PFKFB3: variants seen among roughly 807,000 people sequenced by gnomAD.
PFKFB3 encodes the protein 6-phosphofructo-2-kinase/fructose-2,6-bisphosphatase 3.
A neutral mutation model predicts 68.0 loss-of-function variants in PFKFB3; 33 were observed. The observed-to-expected ratio is 0.49, with a 90% CI of 0.37 to 0.65. The LOEUF (loss-of-function observed/expected upper bound fraction) is 0.65. PFKFB3 is among the 30% of genes least tolerant of loss of function. The pLI is 0.00. For synonymous variants in PFKFB3, 315 were observed against 288.2 expected, an observed-to-expected ratio of 1.09 and a Z score of -0.94; for missense variants, 586 against 712.2, an observed-to-expected ratio of 0.82 and a Z score of 2.02.
intron 1 of PFKFB3, among the ~76,000 whole-genome samples, chr10:6,173,673 G>A (rs1340204298): frequency 1.3e-5 from 2 of 152,004 alleles, no homozygotes; most frequent in Non-Finnish European, 2.9e-5. Flanking sequence ...AGAGATCTGG[G>A]GGGCTAGGTG....
the PFKFB3 span, among the ~76,000 whole-genome samples, chr10:6,299,827 T>G: frequency 6.6e-6 from 1 of 152,158 alleles, no homozygotes; most frequent in East Asian, 1.9e-4. Context: ...AGTGAAGGCC[T>G]GAAGCTGTGT....
the PFKFB3 span, chr10:6,294,063 G>A: frequency 5.9e-6 from 3 of 507,086 alleles, no homozygotes; most frequent in South Asian, 4.4e-5. Context: ...GTTCGTACTG[G>A]AAGGTCTTGC....
At position 6,215,087 on chromosome 10, in the gene PFKFB3, T is replaced by G. The variant is rs527367509; in HGVS notation, c.203-134T>G. 1.4e-6 allele frequency: 1 copy of G among 705,574 alleles called. No individual in the cohort carries two copies. Among genetic ancestry groups the G allele is most frequent in the African/African-American group, 1.8e-5 (1 of 56,736 alleles). 43.7% of individuals were successfully genotyped at this position (705,574 alleles called of 1,614,324 possible). The stretch of plus-strand genomic sequence containing the variant: ...GTAGCGTAGGACTGGGCGCCGGCAT[T>G]GCTTCCACACCATCTCATTCAAGTC... On this transcript the variant is annotated intron_variant, in intron 2 of 14. Transcript: ENST00000379775. The surrounding 1 kb of genome is among the most constrained non-coding windows in gnomAD (Gnocchi z 4.3).
rs146754515 is a variant in PFKFB3 at position 6,215,332 on chromosome 10, C to A, written c.299+15C>A. 5 of 1,599,502 alleles carry A rather than the reference C, an allele frequency of 3.1e-6. No individual in the cohort carries two copies. The highest frequency in any genetic ancestry group is 1.1e-5 in the South Asian group (1 of 90,662). On this transcript the variant is annotated intron_variant, in intron 3 of 14. Coordinates refer to ENST00000379775, the MANE Select transcript of PFKFB3 (RefSeq NM_004566.4). The surrounding 1 kb of genome is among the most constrained non-coding windows in gnomAD (Gnocchi z 4.3). Reference sequence around the variant, plus strand: ...AAAGTCCGGAAGTAAGGCTGGGCCGCGGGCGTAGGGCTGGGCTGTGGGAAT... The same window carrying A: ...AAAGTCCGGAAGTAAGGCTGGGCCGAGGGCGTAGGGCTGGGCTGTGGGAAT...
At chr10:6,276,926 A>G in the PFKFB3 span, among the ~76,000 whole-genome samples, 1 of 151,986 alleles carries the variant, frequency 6.6e-6, no homozygotes, top group Non-Finnish European at 1.5e-5. Context: ...AAATCAAGAT[A>G]TATCTTGATT....
intron 9 of PFKFB3, 54 bp from the exon 10 acceptor site, chr10:6,221,587 G>A: frequency 6.2e-7 from 1 of 1,610,872 alleles, no homozygotes; most frequent in Non-Finnish European, 8.5e-7. Context: ...CTTCCCAAGA[G>A]GCCCTAGACA....
intron 1 of PFKFB3, among the ~76,000 whole-genome samples, chr10:6,150,976 G>A (rs1191849979): frequency 6.6e-6 from 1 of 152,200 alleles, no homozygotes; most frequent in African/African-American, 2.4e-5. Flanking sequence ...CCCTGGCCTG[G>A]GCGACAGAGC....
chr10:6,288,188 T>G, the PFKFB3 span, among the ~76,000 whole-genome samples: 1 of 150,508 alleles, frequency 6.6e-6, no homozygotes, highest in Non-Finnish European at 1.5e-5. Context: ...TCGTCTGGCT[T>G]CTTTCTTTTT....
upstream of PFKFB3, chr10:6,202,923 G>T: frequency 8.3e-7 from 1 of 1,199,690 alleles, no homozygotes; most frequent in Non-Finnish European, 1.0e-6. Context: ...GCGGTGCGCG[G>T]GGCATCCCAG....
At chr10:6,318,771 A>G in the PFKFB3 span, among the ~76,000 whole-genome samples, 1 of 152,176 alleles carries the variant, frequency 6.6e-6, no homozygotes, top group South Asian at 2.1e-4. Flanking sequence ...CCAGGAGGCA[A>G]TCAGTCCTCG....
intron 1 of PFKFB3, among the ~76,000 whole-genome samples, chr10:6,176,479 C>T (rs528576061): frequency 7.9e-5 from 12 of 152,296 alleles, no homozygotes; most frequent in East Asian, 1.9e-4. Flanking sequence ...CCCATCATCG[C>T]TCACTGCAAC....
intron 1 of PFKFB3, among the ~76,000 whole-genome samples, chr10:6,157,388 A>G (rs529802009): frequency 0.011 from 1,635 of 151,718 alleles, 66 homozygotes; most frequent in East Asian, 0.1. Context: ...CGCCCCGCCC[A>G]GCTAATTTTT....
At chr10:6,180,774 A>G (rs766228364) in intron 1 of PFKFB3, among the ~76,000 whole-genome samples, 2 of 152,154 alleles carry the variant, frequency 1.3e-5, no homozygotes, top group Admixed American at 6.6e-5. Context: ...TTATTTTAAT[A>G]TAGTTTATCA....
chr10:6,276,113 C>T, the PFKFB3 span, among the ~76,000 whole-genome samples: 16 of 152,274 alleles, frequency 1.1e-4, no homozygotes, highest in Middle Eastern at 3.4e-3. Context: ...AAAACTTCTA[C>T]TGACCCAAGA....
At chr10:6,218,539 C>A (rs534920433) in intron 6 of PFKFB3, among the ~76,000 whole-genome samples, 2 of 152,044 alleles carry the variant, frequency 1.3e-5, no homozygotes, top group Non-Finnish European at 2.9e-5. Flanking sequence ...AGCGATTCTC[C>A]TGCCTCAGCC....
chr10:6,250,413 C>CAAAAA (rs898579015), intron 14 of PFKFB3, among the ~76,000 whole-genome samples: 34 of 151,572 alleles, frequency 2.2e-4, no homozygotes, highest in African/African-American at 8.2e-4. Flanking sequence ...ACTAAAAATA[C>CAAAAA]AAAAAAAATT....
At chr10:6,252,487 T>C (rs1343838548) in intron 14 of PFKFB3, among the ~76,000 whole-genome samples, 1 of 152,220 alleles carries the variant, frequency 6.6e-6, no homozygotes, top group Non-Finnish European at 1.5e-5. Flanking sequence ...CAAAGGCTTA[T>C]AAAGAAAGTT....
chr10:6,269,523 C>T, the PFKFB3 span, among the ~76,000 whole-genome samples: 4 of 152,076 alleles, frequency 2.6e-5, no homozygotes, highest in Non-Finnish European at 4.4e-5. Flanking sequence ...TTCCAGATTC[C>T]GGGGTCTGTT....
At chr10:6,266,249 T>A in the PFKFB3 span, among the ~76,000 whole-genome samples, 1 of 152,208 alleles carries the variant, frequency 6.6e-6, no homozygotes, top group Admixed American at 6.5e-5. Flanking sequence ...TTATATTTAA[T>A]GAGTTATAAT....
Sources: allele counts gnomAD v4.1 joint callset (sites outside exome capture counted in the v4.1 genomes callset), GRCh38; gene constraint gnomAD v4.1.1; non-coding constraint Gnocchi (gnomAD v3.1); transcripts MANE v1.5; gene names NCBI Gene and HGNC (gene_info 2026-07-23, HGNC 2026-07-21).